Variants in CDH13 observed in about 807,000 individuals in gnomAD.
CDH13 encodes the protein cadherin 13, also known as cadherin-13.
CDH13 carries 24 observed loss-of-function variants against 63.8 expected under a neutral mutation model. That is an observed-to-expected ratio of 0.38 (90% CI 0.27 to 0.53). CDH13 has a LOEUF of 0.53. CDH13 is among the 20% of genes least tolerant of loss of function. The pLI, the probability that CDH13 is intolerant of heterozygous loss-of-function variation, is 0.85. For missense variants in CDH13, 1,049 were observed against 903.1 expected (o/e 1.16, Z -2.07); for synonymous variants, 503 against 355.3 (o/e 1.42, Z -4.67).
At chr16:83,742,305 G>A (rs948199601) in intron 10 of CDH13, among the ~76,000 whole-genome samples, 1 of 152,176 alleles carries the variant, frequency 6.6e-6, no homozygotes, top group Admixed American at 6.5e-5. Flanking sequence ...CTCGAATTCT[G>A]TTAATCAGTT....
intron 7 of CDH13, among the ~76,000 whole-genome samples, chr16:83,520,385 C>G (rs1341817920): frequency 6.6e-6 from 1 of 152,252 alleles, no homozygotes; most frequent in East Asian, 1.9e-4. Context: ...TAGGAGAGGA[C>G]ATAGGAAAGC....
At chr16:83,376,857 A>T (rs1174137859) in intron 6 of CDH13, among the ~76,000 whole-genome samples, 1 of 152,166 alleles carries the variant, frequency 6.6e-6, no homozygotes, top group Non-Finnish European at 1.5e-5. Context: ...AGGCCTTAAG[A>T]AATGGGTTGA....
chr16:82,976,868 G>T, intron 2 of CDH13, among the ~76,000 whole-genome samples: 1 of 152,130 alleles, frequency 6.6e-6, no homozygotes, highest in East Asian at 1.9e-4. Context: ...GGCTGCATTT[G>T]GTGAGTTGCG....
intron 1 of CDH13, among the ~76,000 whole-genome samples, chr16:82,777,247 G>A (rs1448978314): frequency 6.6e-6 from 1 of 152,210 alleles, no homozygotes; most frequent in African/African-American, 2.4e-5. Context: ...AGGATTACAG[G>A]CACGAGCCAC....
chr16:83,770,651 T>A (rs707234), intron 11 of CDH13, among the ~76,000 whole-genome samples: 41,886 of 151,966 alleles, frequency 0.28, 6,689 homozygotes, highest in Admixed American at 0.43. Context: ...AAACAAGGGG[T>A]GGATTATTCA....
At chr16:82,654,302 T>G (rs924639679) in intron 1 of CDH13, among the ~76,000 whole-genome samples, 1 of 152,186 alleles carries the variant, frequency 6.6e-6, no homozygotes, top group African/African-American at 2.4e-5. Context: ...TCAAGGTCGG[T>G]TTCCCAACTC....
At chr16:82,641,208 G>C (rs1390419195) in intron 1 of CDH13, among the ~76,000 whole-genome samples, 1 of 152,170 alleles carries the variant, frequency 6.6e-6, no homozygotes, top group Non-Finnish European at 1.5e-5. Flanking sequence ...CTTATCTTCT[G>C]CTGGTCAGGG....
chr16:83,040,355 C>T (rs1917227622), intron 3 of CDH13, among the ~76,000 whole-genome samples: 2 of 152,132 alleles, frequency 1.3e-5, no homozygotes, highest in Non-Finnish European at 2.9e-5. Flanking sequence ...CCATCGTAGG[C>T]CATCTGCAGG....
intron 2 of CDH13, among the ~76,000 whole-genome samples, chr16:83,009,065 A>T (rs567066339): frequency 6.6e-6 from 1 of 152,042 alleles, no homozygotes; most frequent in South Asian, 2.1e-4. Context: ...ATTCAATTCC[A>T]CCCCCACCGG....
intron 6 of CDH13, among the ~76,000 whole-genome samples, chr16:83,474,325 T>G (rs2073543246): frequency 6.6e-6 from 1 of 152,130 alleles, no homozygotes; most frequent in Non-Finnish European, 1.5e-5. Flanking sequence ...TCTGTAAGGT[T>G]GTGTATGTTG....
chr16:83,474,557 G>C (rs12165001), intron 6 of CDH13, among the ~76,000 whole-genome samples: 3 of 152,238 alleles, frequency 2.0e-5, no homozygotes, highest in African/African-American at 7.2e-5. Context: ...TCTCATGTAC[G>C]GCCCACATCT....
chr16:82,814,471 C>G (rs1267928852), intron 1 of CDH13, among the ~76,000 whole-genome samples: 15 of 152,070 alleles, frequency 9.9e-5, no homozygotes, highest in Admixed American at 9.8e-4. Context: ...TCAATCGTGC[C>G]TATGTAACAA....
intron 7 of CDH13, among the ~76,000 whole-genome samples, chr16:83,579,813 A>G (rs944849682): frequency 6.6e-6 from 1 of 151,906 alleles, no homozygotes; most frequent in Non-Finnish European, 1.5e-5. Context: ...AAATGTAGGC[A>G]TGGGTATAAC....
At chr16:83,732,681 A>G (rs1487407408) in intron 10 of CDH13, among the ~76,000 whole-genome samples, 1 of 152,178 alleles carries the variant, frequency 6.6e-6, no homozygotes, top group Non-Finnish European at 1.5e-5. Context: ...ATCCTCATAC[A>G]GAGGGAGGCT....
chr16:83,747,763 G>C (rs1238653476), intron 10 of CDH13, among the ~76,000 whole-genome samples: 7 of 147,714 alleles, frequency 4.7e-5, no homozygotes, highest in Admixed American at 1.4e-4. Flanking sequence ...CCACATACGA[G>C]ATACATCTGA....
At chr16:82,939,716 C>T (rs60960830) in intron 2 of CDH13, among the ~76,000 whole-genome samples, 3,013 of 152,250 alleles carry the variant, frequency 0.02, 84 homozygotes, top group African/African-American at 0.063. Context: ...CACCGGTTCC[C>T]ACTAGCTGCA....
chr16:83,032,369 A>G (rs1278064070), intron 3 of CDH13, 151 bp downstream of exon 3: 3 of 624,772 alleles, frequency 4.8e-6, no homozygotes, highest in East Asian at 2.8e-5. Flanking sequence ...CTAAAAATGT[A>G]GATGAGGGGC....
chr16:82,806,420 A>G (rs1192643368), intron 1 of CDH13, among the ~76,000 whole-genome samples: 1 of 152,206 alleles, frequency 6.6e-6, no homozygotes, highest in African/African-American at 2.4e-5. Context: ...TTTGAAATAC[A>G]AGAATGTGGG....
At chr16:82,687,165 A>T (rs545149190) in intron 1 of CDH13, among the ~76,000 whole-genome samples, 1 of 152,286 alleles carries the variant, frequency 6.6e-6, no homozygotes, top group Admixed American at 6.5e-5. Context: ...GTCCTCTCTC[A>T]TGGTAGCTTT....
Sources: gnomAD v4.1 joint callset for allele counts (sites outside exome capture counted in the v4.1 genomes callset) on GRCh38, gnomAD v4.1.1 for gene constraint, MANE v1.5 for transcripts, NCBI Gene and HGNC (gene_info 2026-07-23, HGNC 2026-07-21) for gene names.